ARHGAP5: variants seen among roughly 807,000 people sequenced by gnomAD.
ARHGAP5 encodes rho GTPase-activating protein 5.
ARHGAP5 carries 23 observed loss-of-function variants against 116.6 expected under a neutral mutation model. The ratio of observed to expected loss-of-function variants is 0.20; its 90% CI spans 0.14 to 0.28. The LOEUF (loss-of-function observed/expected upper bound fraction) is 0.28, where lower values mean the gene tolerates loss of function less well. Ranked by LOEUF, ARHGAP5 falls within the 10% of genes least tolerant of loss-of-function variation. ARHGAP5 has a pLI of 1.00. For missense variants in ARHGAP5, 1,405 were observed against 1,774.8 expected (o/e 0.79, Z 3.74); for synonymous variants, 574 against 602.0 (o/e 0.95, Z 0.68).
rs193074184 is a variant in ARHGAP5 at position 32,154,253 on chromosome 14, C to T, written c.4182-368C>T. On this transcript the variant is annotated intron_variant, in intron 6 of 6. Transcript: ENST00000345122. ...ACAACCCCCACCTCCCAGGTTCAAG[C>T]GATTCTCCTGCCTCAGCCTCCCAAG... 9.6e-3 allele frequency: 1,813 copies of T among 188,420 alleles called. 21 individuals carry two copies. Among genetic ancestry groups the T allele is most frequent in the Middle Eastern group, 0.017 (7 of 402 alleles). 11.7% of individuals were successfully genotyped at this position (188,420 alleles called of 1,614,324 possible).
intron 2 of ARHGAP5, among the ~76,000 whole-genome samples, chr14:32,107,275 TGTGA>T (rs1879062752): frequency 6.6e-6 from 1 of 152,208 alleles, no homozygotes; most frequent in South Asian, 2.1e-4. Flanking sequence ...AACTTGATGA[TGTGA>T]GTAATCATTA....
intron 1 of ARHGAP5, among the ~76,000 whole-genome samples, chr14:32,078,928 T>A (rs1005692347): frequency 2.6e-5 from 4 of 152,242 alleles, no homozygotes; most frequent in African/African-American, 7.2e-5. Flanking sequence ...GGTAACCTAC[T>A]AGATAGTTTC....
At chr14:32,094,455 C>A in intron 2 of ARHGAP5, 69 bp downstream of exon 2, 1 of 1,195,972 alleles carries the variant, frequency 8.4e-7, no homozygotes, top group African/African-American at 1.5e-5. Context: ...ATACTGACAT[C>A]AGTGTTAGAA....
In ARHGAP5 at chr14:32,093,317, C is replaced by T; in HGVS notation, c.2648C>T (p.Ala883Val). The T allele has an allele frequency of 6.2e-7, 1 of 1,613,856 alleles. No homozygotes were observed. The highest frequency in any genetic ancestry group is 8.5e-7 in the Non-Finnish European group (1 of 1,179,892). ...GACACCATTCCTGTACAGCTGGTGG[C>T]AGTTACTGACAGCCAAGCAGATTTT... Reference protein sequence around the residue: ...VQDTIPVQLVAVTDSQADFFE... With the variant: ...VQDTIPVQLVVVTDSQADFFE... The change falls in exon 2 of 7, where the codon GCA (alanine) becomes GTA (valine). Residue 883 changes from alanine (A) to valine (V), a missense_variant. Transcript: ENST00000345122.
intron 3 of ARHGAP5, among the ~76,000 whole-genome samples, chr14:32,129,542 A>G (rs1258883398): frequency 1.3e-5 from 2 of 152,192 alleles, no homozygotes; most frequent in East Asian, 3.9e-4. Flanking sequence ...CCAATATGGG[A>G]TGAAAATGGA....
chr14:32,122,210 T>C (rs1054088524), intron 3 of ARHGAP5, among the ~76,000 whole-genome samples: 5 of 152,198 alleles, frequency 3.3e-5, no homozygotes, highest in Admixed American at 2.0e-4. Context: ...TATAGTCATA[T>C]AAGTGGTAAT....
intron 3 of ARHGAP5, among the ~76,000 whole-genome samples, chr14:32,133,764 C>T (rs1032566136): frequency 7.2e-5 from 11 of 152,216 alleles, no homozygotes; most frequent in African/African-American, 2.6e-4. Context: ...CCCATCAATA[C>T]CTAATTTATT....
intron 2 of ARHGAP5, among the ~76,000 whole-genome samples, chr14:32,105,059 A>C (rs964422460): frequency 2.0e-5 from 3 of 152,156 alleles, no homozygotes; most frequent in African/African-American, 7.2e-5. Flanking sequence ...ACAACAAAGG[A>C]TTATACAGCC....
intron 3 of ARHGAP5, among the ~76,000 whole-genome samples, chr14:32,132,472 AT>A (rs1880554557): frequency 6.6e-6 from 1 of 152,084 alleles, no homozygotes; most frequent in South Asian, 2.1e-4. Flanking sequence ...TTCATTATAG[AT>A]TTTGGATATT....
intron 3 of ARHGAP5, among the ~76,000 whole-genome samples, chr14:32,142,638 A>C (rs568888393): frequency 6.6e-6 from 1 of 152,236 alleles, no homozygotes; most frequent in Non-Finnish European, 1.5e-5. Context: ...GTTGAAATCC[A>C]TGACCACAGT....
intron 6 of ARHGAP5, among the ~76,000 whole-genome samples, chr14:32,152,934 C>T (rs990441561): frequency 6.8e-4 from 103 of 152,036 alleles, no homozygotes; most frequent in African/African-American, 2.3e-3. Flanking sequence ...AATAACAACA[C>T]TTCACAAAGT....
In ARHGAP5 at chr14:32,085,238, G is replaced by C. The variant is rs551612852; in HGVS notation, c.-168-5264G>C. ...ATGGAAGAGGATTGCTTGAGCCCAGGAGTTTGAGACCAGCCTGGGGAGCAT... is the reference window on the plus strand; with the variant it reads ...ATGGAAGAGGATTGCTTGAGCCCAGCAGTTTGAGACCAGCCTGGGGAGCAT... On this transcript the variant is annotated intron_variant, in intron 1 of 6. Transcript: ENST00000345122. Among the ~76,000 whole-genome samples the C allele has an allele frequency of 5.3e-5, 8 of 152,142 alleles. No homozygotes were observed. The East Asian group carries it at 1.4e-3, about 26-fold the overall frequency.
rs889969084 is a variant in ARHGAP5 at position 32,133,614 on chromosome 14, T to A, written c.3866-12649T>A. On this transcript the variant is annotated intron_variant, in intron 3 of 6. Coordinates refer to ENST00000345122, the MANE Select transcript of ARHGAP5 (RefSeq NM_001030055.2). ...GATTGCCCTGGCCAGAACTTCCAAC[T>A]CCGTGTTGAATAGGAGTGGTGAGAG... Among the ~76,000 whole-genome samples the A allele has an allele frequency of 3.5e-4, 53 of 152,188 alleles. No individual in the cohort carries two copies. The South Asian group carries it at 4.8e-3, about 14-fold the overall frequency.
chr14:32,152,412 T>A lies in ARHGAP5; in HGVS notation c.4076-11T>A, dbSNP rs1594400527. ...GTTTTACACAGATTCTTCACTGTTT[T>A]AATTTTACAGAAATCCCGGATAAAA... On this transcript the variant is annotated splice_polypyrimidine_tract_variant and intron_variant, in intron 5 of 6. Transcript: ENST00000345122. The A allele has an allele frequency of 8.4e-6, 13 of 1,555,472 alleles. No homozygotes were observed. Among genetic ancestry groups the A allele is most frequent in the Non-Finnish European group, 1.1e-5 (13 of 1,139,518 alleles).
At chr14:32,140,066 C>CTTTTTTTT (rs764763402) in intron 3 of ARHGAP5, among the ~76,000 whole-genome samples, 4 of 27,994 alleles carry the variant, frequency 1.4e-4, no homozygotes, top group Non-Finnish European at 2.5e-4. Context: ...TTTTCTCTCT[C>CTTTTTTTT]TTTTTTTTTT....
intron 2 of ARHGAP5, among the ~76,000 whole-genome samples, chr14:32,095,307 A>G (rs1198339533): frequency 1.3e-5 from 2 of 151,920 alleles, no homozygotes; most frequent in African/African-American, 4.8e-5. Context: ...TGCCCATTAT[A>G]GTTGAATAGA....
chr14:32,128,920 A>G (rs1182355013), intron 3 of ARHGAP5, among the ~76,000 whole-genome samples: 2 of 152,170 alleles, frequency 1.3e-5, no homozygotes, highest in Non-Finnish European at 2.9e-5. Context: ...GGTATATTTA[A>G]TGACTGTGTT....
At chr14:32,133,441 G>T (rs1357428161) in intron 3 of ARHGAP5, among the ~76,000 whole-genome samples, 1 of 152,194 alleles carries the variant, frequency 6.6e-6, no homozygotes, top group Non-Finnish European at 1.5e-5. Context: ...TGTATCCTGA[G>T]ACTTTGCTGA....
At chr14:32,134,191 G>C (rs1880662809) in intron 3 of ARHGAP5, among the ~76,000 whole-genome samples, 1 of 151,948 alleles carries the variant, frequency 6.6e-6, no homozygotes, top group South Asian at 2.1e-4. Context: ...AATCTTGTGG[G>C]TATGTTTTCA....
Sources: gnomAD v4.1 joint callset for allele counts (sites outside exome capture counted in the v4.1 genomes callset) on GRCh38, gnomAD v4.1.1 for gene constraint, MANE v1.5 for transcripts, NCBI Gene and HGNC (gene_info 2026-07-23, HGNC 2026-07-21) for gene names.